The following MAD1L1 variants were observed in gnomAD, a reference collection of about 807,000 sequenced individuals.
The protein encoded by MAD1L1 is mitotic arrest deficient 1 like 1, also known as mitotic spindle assembly checkpoint protein MAD1.
In MAD1L1, 95 loss-of-function variants were observed where a neutral mutation model predicts 96.9. The observed-to-expected ratio is 0.98, with a 90% CI of 0.83 to 1.16. The LOEUF is 1.16. Among genes scored for constraint, MAD1L1 ranks in the 50% most tolerant of loss-of-function variants. MAD1L1 has a pLI of 0.00. For missense variants in MAD1L1, 1,007 were observed against 954.4 expected, an observed-to-expected ratio of 1.06 and a Z score of -0.73; for synonymous variants, 473 against 396.6, an observed-to-expected ratio of 1.19 and a Z score of -2.29.
At chr7:1,984,565 GT>G (rs1204644475) in intron 14 of MAD1L1, among the ~76,000 whole-genome samples, 1 of 152,228 alleles carries the variant, frequency 6.6e-6, no homozygotes, top group Non-Finnish European at 1.5e-5. Context: ...GCGGTGATGT[GT>G]TATTTGGCTA....
At chr7:1,909,375 C>T (rs985600851) in intron 17 of MAD1L1, among the ~76,000 whole-genome samples, 1 of 152,230 alleles carries the variant, frequency 6.6e-6, no homozygotes, top group African/African-American at 2.4e-5. Context: ...GTTTTGCAAG[C>T]TTCTAAACTA....
At chr7:1,881,638 C>T (rs565646449) in intron 18 of MAD1L1, among the ~76,000 whole-genome samples, 4 of 152,130 alleles carry the variant, frequency 2.6e-5, no homozygotes, top group Non-Finnish European at 4.4e-5. Context: ...ACACCATCAT[C>T]GAGGAAATAT....
chr7:1,925,873 G>A (rs1789059397), intron 17 of MAD1L1, among the ~76,000 whole-genome samples: 1 of 152,012 alleles, frequency 6.6e-6, no homozygotes, highest in Non-Finnish European at 1.5e-5. Context: ...ACCTGAAGAG[G>A]CCAGAAAAAA....
chr7:2,061,547 G>A (rs1384416738), intron 12 of MAD1L1, among the ~76,000 whole-genome samples: 6 of 152,152 alleles, frequency 3.9e-5, no homozygotes, highest in Non-Finnish European at 8.8e-5. Context: ...AAGGCAGGAG[G>A]TGAGGACCCG....
intron 17 of MAD1L1, among the ~76,000 whole-genome samples, chr7:1,916,864 C>A (rs1484738469): frequency 6.6e-6 from 1 of 152,138 alleles, no homozygotes; most frequent in Non-Finnish European, 1.5e-5. Context: ...CCTGGCGCAT[C>A]TCCCGAGCCA....
intron 10 of MAD1L1, among the ~76,000 whole-genome samples, chr7:2,187,436 C>T (rs2128604657): frequency 6.6e-6 from 1 of 152,282 alleles, no homozygotes; most frequent in East Asian, 1.9e-4. Flanking sequence ...TACAAAAGCA[C>T]TGATGGGTAT....
At chr7:2,225,282 A>C in intron 4 of MAD1L1, 128 bp downstream of exon 4, 1 of 597,000 alleles carries the variant, frequency 1.7e-6, no homozygotes, top group Non-Finnish European at 2.7e-6. Context: ...AAGACCTGGC[A>C]GGTACCATGC....
chr7:2,060,330 C>T (rs922147162), intron 12 of MAD1L1, among the ~76,000 whole-genome samples: 7 of 148,648 alleles, frequency 4.7e-5, no homozygotes, highest in East Asian at 2.0e-4. Flanking sequence ...TGCTGAGATA[C>T]GCCAATGCCA....
chr7:1,902,620 C>A (rs1787315793), intron 17 of MAD1L1, among the ~76,000 whole-genome samples: 1 of 152,268 alleles, frequency 6.6e-6, no homozygotes, highest in South Asian at 2.1e-4. Flanking sequence ...TCCCCGGGGC[C>A]TGAGCTATAC....
rs758421702 is a variant in MAD1L1, at chr7:2,002,049, C to G, written c.1416+16G>C. ...CCAGGTGCCCTGAATCCCAGCCACT[C>G]CCGCGTCTGACTCACCATGTCTGCT... On this transcript the variant is annotated intron_variant, in intron 14 of 18. Transcript: ENST00000265854. 1.6e-5 allele frequency: 26 copies of G among 1,613,004 alleles called. No homozygotes were observed. Among genetic ancestry groups the G allele is most frequent in the Non-Finnish European group, 2.1e-5 (25 of 1,179,960 alleles).
At chr7:2,116,985 C>T (rs1284413730) in intron 11 of MAD1L1, among the ~76,000 whole-genome samples, 2 of 152,218 alleles carry the variant, frequency 1.3e-5, no homozygotes, top group African/African-American at 4.8e-5. Context: ...GGGCACCACC[C>T]GAAGACAAGG....
chr7:1,844,789 C>T (rs140083738), intron 18 of MAD1L1, among the ~76,000 whole-genome samples: 2 of 152,202 alleles, frequency 1.3e-5, no homozygotes, highest in African/African-American at 4.8e-5. Flanking sequence ...GGTGGAGGGG[C>T]GCGTGGGTAC....
chr7:2,023,878 G>A (rs1394344073), intron 12 of MAD1L1, among the ~76,000 whole-genome samples: 1 of 152,074 alleles, frequency 6.6e-6, no homozygotes, highest in Non-Finnish European at 1.5e-5. Flanking sequence ...GAACCTGGGA[G>A]GCGGAAGTTG....
chr7:1,965,650 G>A (rs900841231), intron 15 of MAD1L1, among the ~76,000 whole-genome samples: 4 of 152,252 alleles, frequency 2.6e-5, no homozygotes, highest in Non-Finnish European at 2.9e-5. Context: ...TCTGCTCTTC[G>A]CACACTACCA....
intron 18 of MAD1L1, among the ~76,000 whole-genome samples, chr7:1,892,548 C>T (rs774935636): frequency 5.3e-5 from 8 of 152,172 alleles, no homozygotes; most frequent in South Asian, 2.1e-4. Flanking sequence ...GTATCGGAAA[C>T]GCTCCATTAA....
At chr7:1,981,879 C>A (rs1780923652) in intron 14 of MAD1L1, among the ~76,000 whole-genome samples, 1 of 152,142 alleles carries the variant, frequency 6.6e-6, no homozygotes. Flanking sequence ...TGTACTGAAA[C>A]ATCACTATGT....
rs565850751 is a variant in MAD1L1, at chr7:2,090,727, G to T, written c.1074-21389C>A. 1.7e-3 allele frequency among the ~76,000 whole-genome samples: 260 copies of T among 152,356 alleles called. 1 individual carries two copies. The highest frequency in any genetic ancestry group is 6.0e-3 in the African/African-American group (250 of 41,582). Reference sequence around the variant, plus strand: ...GAGGCTGGACTGGAGCTACAGGTCTGTAAAGAACCACAGACGCAGCGTCCC... The same window carrying T: ...GAGGCTGGACTGGAGCTACAGGTCTTTAAAGAACCACAGACGCAGCGTCCC... On this transcript the variant is annotated intron_variant, in intron 11 of 18. Transcript: ENST00000265854.
At chr7:1,986,315 G>GCAGCTTGGAACCACACGCCAGTC (rs66798208) in intron 14 of MAD1L1, among the ~76,000 whole-genome samples, 12 of 149,898 alleles carry the variant, frequency 8.0e-5, no homozygotes, top group East Asian at 2.0e-4. Context: ...AACCTCTGCT[G>GCAGCTTGGAACCACACGCCAGTC]CAGCTTGGAA....
intron 3 of MAD1L1, 70 bp downstream of exon 3, chr7:2,229,914 A>T: frequency 6.5e-7 from 1 of 1,529,248 alleles, no homozygotes. Context: ...ACTACAGAAG[A>T]CTGGAAGAGG....
Sources: gnomAD v4.1 joint callset for allele counts (sites outside exome capture counted in the v4.1 genomes callset) on GRCh38, gnomAD v4.1.1 for gene constraint, MANE v1.5 for transcripts, NCBI Gene and HGNC (gene_info 2026-07-23, HGNC 2026-07-21) for gene names.